The following GOSR1 variants were observed in gnomAD, a reference collection of about 807,000 sequenced individuals.
GOSR1 encodes the protein 28 kDa Golgi SNARE protein.
GOSR1 carries 21 observed loss-of-function variants against 35.5 expected under a neutral mutation model. That is an observed-to-expected ratio of 0.59 (90% CI 0.42 to 0.85). The LOEUF (loss-of-function observed/expected upper bound fraction) is 0.85. Among genes scored for constraint, GOSR1 ranks in the 40% least tolerant of loss-of-function variants. The probability of loss-of-function intolerance (pLI) is 0.00; values close to 1 mark genes in which losing one functional copy is unlikely to be tolerated. For synonymous variants in GOSR1, 94 were observed against 106.6 expected, an observed-to-expected ratio of 0.88 and a Z score of 0.73; for missense variants, 285 against 309.6, an observed-to-expected ratio of 0.92 and a Z score of 0.60.
At chr17:30,518,040 C>T (rs1024579497) in intron 7 of GOSR1, among the ~76,000 whole-genome samples, 3 of 152,190 alleles carry the variant, frequency 2.0e-5, no homozygotes, top group Admixed American at 1.3e-4. Context: ...AGACTATCGG[C>T]TCTCTGCTTG....
intron 6 of GOSR1, among the ~76,000 whole-genome samples, chr17:30,494,478 T>C (rs952350514): frequency 6.6e-6 from 1 of 152,204 alleles, no homozygotes; most frequent in East Asian, 1.9e-4. Context: ...AGTTGCTATT[T>C]AGATAATTTC....
intron 6 of GOSR1, among the ~76,000 whole-genome samples, chr17:30,501,176 G>A (rs527664403): frequency 1.4e-3 from 220 of 152,076 alleles, no homozygotes; most frequent in African/African-American, 4.8e-3. Flanking sequence ...CACCGCGCCC[G>A]GCCACAAAGA....
rs1308483157 is a variant in GOSR1, at chr17:30,523,491, A to C, written c.*1113A>C. The C allele has an allele frequency of 1.3e-5, 2 of 155,770 alleles. No homozygotes were observed. The highest frequency in any genetic ancestry group is 2.0e-4 in the East Asian group (1 of 5,110). The allele number at this position is 155,770 out of a possible 1,614,324, so 9.6% of individuals were successfully genotyped here. On this transcript the variant is annotated 3_prime_UTR_variant, in exon 9 of 9. Coordinates refer to ENST00000451249, the MANE Select transcript of GOSR1 (RefSeq NM_001007025.2). ...CCCATCTGGGAAGTGAGGAGCGTCT[A>C]CGCCCGGGCAGCTGCCCCGTCCGGG...
intron 2 of GOSR1, among the ~76,000 whole-genome samples, chr17:30,482,416 C>G (rs1034830629): frequency 6.6e-6 from 1 of 152,134 alleles, no homozygotes; most frequent in Admixed American, 6.6e-5. Context: ...TAGGTAAGAG[C>G]TTTCTATAAA....
At chr17:30,480,326 A>G (rs915645987) in intron 1 of GOSR1, among the ~76,000 whole-genome samples, 1 of 152,254 alleles carries the variant, frequency 6.6e-6, no homozygotes, top group East Asian at 1.9e-4. Context: ...AAAAAGAAAA[A>G]AAAAGGTAAG....
chr17:30,478,556 A>C (rs1195006453), intron 1 of GOSR1: 2 of 132,300 alleles, frequency 1.5e-5, no homozygotes, highest in African/African-American at 2.7e-5. Context: ...CAGCTAGAAA[A>C]CTTTTTTTTT....
In GOSR1 at chr17:30,496,232, G is replaced by A. The variant is rs370509059; in HGVS notation, c.509+3479G>A. Among the ~76,000 whole-genome samples, 43 of 152,164 alleles carry A rather than the reference G, an allele frequency of 2.8e-4. No homozygotes were observed. The East Asian group carries it at 3.3e-3, about 12-fold the overall frequency. Reference sequence around the variant, plus strand: ...TAAGTATTTGACTCTTCAGCCATCCGGTACACTGTCTCTGGTTTACACCTG... The same window carrying A: ...TAAGTATTTGACTCTTCAGCCATCCAGTACACTGTCTCTGGTTTACACCTG... On this transcript the variant is annotated intron_variant, in intron 6 of 8. Coordinates refer to ENST00000451249, the MANE Select transcript of GOSR1 (RefSeq NM_001007025.2).
In GOSR1 at chr17:30,492,747, T is replaced by G; in HGVS notation, c.503T>G (p.Leu168Arg). The G allele has an allele frequency of 3.2e-6, 5 of 1,580,196 alleles. No homozygotes were observed. Among genetic ancestry groups the G allele is most frequent in the Non-Finnish European group, 4.4e-6 (5 of 1,149,186 alleles). The change falls in exon 6 of 9, where the codon CTT (leucine) becomes CGT (arginine). Residue 168 changes from leucine to arginine, a missense_variant. By Grantham distance (102) the Leu-to-Arg change is moderately radical. Coordinates refer to ENST00000451249, the MANE Select transcript of GOSR1 (RefSeq NM_001007025.2). ...CTATTTTTGAAAGAACATGACCACC[T>G]TCGAAAGTAGGTATTGAATGTATGT... is the stretch of plus-strand genomic sequence containing the variant. ...TELFLKEHDH[L>R]RNSDRLIEET...
At chr17:30,521,710 G>T (rs1968043343) in intron 8 of GOSR1, among the ~76,000 whole-genome samples, 1 of 152,148 alleles carries the variant, frequency 6.6e-6, no homozygotes, top group Non-Finnish European at 1.5e-5. Flanking sequence ...ACCAGTGTCT[G>T]ATTATATAGA....
intron 2 of GOSR1, among the ~76,000 whole-genome samples, chr17:30,483,646 T>A (rs995562429): frequency 3.3e-5 from 5 of 152,252 alleles, no homozygotes; most frequent in African/African-American, 1.2e-4. Context: ...ATAACTCTGA[T>A]CTGTATTGAG....
intron 6 of GOSR1, among the ~76,000 whole-genome samples, chr17:30,508,563 A>G (rs1345393774): frequency 3.3e-5 from 5 of 152,160 alleles, no homozygotes; most frequent in Non-Finnish European, 7.4e-5. Flanking sequence ...CTTTGTAGCC[A>G]CTTTCTGACC....
At chr17:30,513,955 T>A (rs534677329) in intron 7 of GOSR1, among the ~76,000 whole-genome samples, 41 of 152,270 alleles carry the variant, frequency 2.7e-4, no homozygotes, top group African/African-American at 9.4e-4. Context: ...AAAATAATAA[T>A]ATATCATTCA....
At chr17:30,494,192 AACACAC>A (rs143873080) in intron 6 of GOSR1, among the ~76,000 whole-genome samples, 7 of 150,522 alleles carry the variant, frequency 4.7e-5, no homozygotes, top group South Asian at 2.1e-4. Flanking sequence ...GCCATACTTA[AACACAC>A]ACACACACAC....
At chr17:30,498,023 A>T (rs986281024) in intron 6 of GOSR1, among the ~76,000 whole-genome samples, 4 of 147,086 alleles carry the variant, frequency 2.7e-5, no homozygotes, top group African/African-American at 1.0e-4. Flanking sequence ...GCGTTACTCC[A>T]TGCCAGCATG....
intron 1 of GOSR1, chr17:30,478,994 A>G (rs1291559799): frequency 6.6e-6 from 1 of 152,240 alleles, no homozygotes; most frequent in African/African-American, 2.4e-5. Flanking sequence ...CAGCTGCTGT[A>G]AGCATATGAT....
At chr17:30,490,441 C>CT in intron 5 of GOSR1, 1 of 368,354 alleles carries the variant, frequency 2.7e-6, no homozygotes, top group Non-Finnish European at 5.1e-6. Flanking sequence ...TCCTGCCAAC[C>CT]TTGACTTTCC....
chr17:30,499,458 C>T (rs1483668747), intron 6 of GOSR1, among the ~76,000 whole-genome samples: 1 of 151,902 alleles, frequency 6.6e-6, no homozygotes, highest in African/African-American at 2.4e-5. Flanking sequence ...TCTCCTGCCT[C>T]AGCCTCCCAA....
intron 2 of GOSR1, 49 bp from the exon 3 acceptor site, chr17:30,484,165 A>G (rs760088558): frequency 4.4e-6 from 4 of 915,836 alleles, no homozygotes; most frequent in Non-Finnish European, 7.3e-6. Context: ...AGTATGTTTT[A>G]AAGGACTGAT....
At chr17:30,497,288 T>A (rs1214650053) in intron 6 of GOSR1, among the ~76,000 whole-genome samples, 13 of 152,112 alleles carry the variant, frequency 8.5e-5, no homozygotes, top group Non-Finnish European at 1.6e-4. Context: ...TAGGGTTAAT[T>A]TTTTTTCATC....
Sources: allele counts gnomAD v4.1 joint callset (sites outside exome capture counted in the v4.1 genomes callset), GRCh38; gene constraint gnomAD v4.1.1; transcripts MANE v1.5; gene names NCBI Gene and HGNC (gene_info 2026-07-23, HGNC 2026-07-21).